The following PTPRC variants were observed in gnomAD, a reference collection of about 807,000 sequenced individuals.
PTPRC encodes protein tyrosine phosphatase receptor type C, also known as receptor-type tyrosine-protein phosphatase C.
In PTPRC, 44 loss-of-function variants were observed where a neutral mutation model predicts 155.9. The observed-to-expected ratio is 0.28, with a 90% CI of 0.22 to 0.36. The LOEUF (loss-of-function observed/expected upper bound fraction) is 0.36. Among genes scored for constraint, PTPRC ranks in the 10% least tolerant of loss-of-function variants. The probability of loss-of-function intolerance (pLI) is 1.00; values close to 1 mark genes in which losing one functional copy is unlikely to be tolerated. For synonymous variants in PTPRC, 525 were observed against 533.1 expected (o/e 0.98, Z 0.21); for missense variants, 1,401 against 1,564.6 (o/e 0.90, Z 1.76).
chr1:198,709,907 T>A, intron 11 of PTPRC, 83 bp downstream of exon 11: 1 of 1,543,904 alleles, frequency 6.5e-7, no homozygotes, highest in Non-Finnish European at 8.8e-7. Flanking sequence ...AGGAAATGAA[T>A]TGTCTTTTTG....
chr1:198,722,384 T>A (rs1291803167), intron 14 of PTPRC, 32 bp from the exon 15 acceptor site: 1 of 1,236,572 alleles, frequency 8.1e-7, no homozygotes, highest in Non-Finnish European at 1.1e-6. Context: ...ATTAGCAAAC[T>A]AATTATTTTA....
chr1:198,671,667 A>G (rs1452467471), intron 2 of PTPRC, among the ~76,000 whole-genome samples: 1 of 152,202 alleles, frequency 6.6e-6, no homozygotes, highest in Non-Finnish European at 1.5e-5. Context: ...TCCCACTGGT[A>G]TCTCAAATTC....
intron 14 of PTPRC, 88 bp from the exon 15 acceptor site, chr1:198,722,328 A>G (rs1173179494): frequency 1.6e-6 from 1 of 616,242 alleles, no homozygotes; most frequent in Non-Finnish European, 2.3e-6. Flanking sequence ...GATAATATAA[A>G]TGTTTTACAT....
intron 32 of PTPRC, 126 bp downstream of exon 32, chr1:198,754,530 C>T (rs1327878413): frequency 1.8e-6 from 2 of 1,122,754 alleles, no homozygotes; most frequent in African/African-American, 3.2e-5. Flanking sequence ...CTTTTCTCTT[C>T]TCTATTTTCT....
chr1:198,753,707 T>C (rs986364534), intron 31 of PTPRC, among the ~76,000 whole-genome samples: 1 of 152,072 alleles, frequency 6.6e-6, no homozygotes, highest in Admixed American at 6.6e-5. Flanking sequence ...TGAATCTTTA[T>C]GATAATGCTT....
chr1:198,692,322 A>C, intron 2 of PTPRC, 25 bp from the exon 3 acceptor site: 1 of 1,499,304 alleles, frequency 6.7e-7, no homozygotes. Flanking sequence ...AAATTTTCTA[A>C]GAGATTTTTG....
chr1:198,755,973 A>C lies in PTPRC; in HGVS notation c.3713A>C (p.Lys1238Thr), dbSNP rs1471609282. 6.2e-7 allele frequency: 1 copy of C among 1,613,238 alleles called. No individual in the cohort carries two copies. The highest frequency in any genetic ancestry group is 1.7e-5 in the Admixed American group (1 of 59,898). The change falls in exon 33 of 33, where the codon AAA becomes ACA. Residue 1238 changes from lysine to threonine, a missense_variant. Coordinates refer to ENST00000442510, the MANE Select transcript of PTPRC (RefSeq NM_002838.5). The stretch of plus-strand genomic sequence containing the variant: ...CCTGCTCAGAATGGACAAGTAAAGA[A>C]AAACAACCATCAAGAAGATAAAATT... Reference protein sequence around the residue: ...TYPAQNGQVKKNNHQEDKIEF... With the variant: ...TYPAQNGQVKTNNHQEDKIEF...
At position 198,742,245 on chromosome 1, in the gene PTPRC, C is replaced by A; in HGVS notation, c.2575C>A (p.Arg859Ser). 1 of 1,612,052 alleles carries A rather than the reference C, an allele frequency of 6.2e-7. No individual in the cohort carries two copies. The highest frequency in any genetic ancestry group is 8.5e-7 in the Non-Finnish European group (1 of 1,178,808). The change falls in exon 25 of 33, where the codon CGC becomes AGC. Residue 859 changes from arginine (R) to serine (S), a missense_variant. Around this residue, in one of 3 missense-constraint regions of PTPRC, gnomAD observed 134 missense variants for 204.7 expected, o/e 0.65. Coordinates refer to ENST00000442510, the MANE Select transcript of PTPRC (RefSeq NM_002838.5). ...TTGGTTTGCCAGTGCTGGTGTTGGGCGCACAGGAACCTATATCGGAATTGA... is the reference window on the plus strand; with the variant it reads ...TTGGTTTGCCAGTGCTGGTGTTGGGAGCACAGGAACCTATATCGGAATTGA... ...IVVHCSAGVG[R>S]TGTYIGIDAM... is the part of the protein sequence containing the mutation.
intron 2 of PTPRC, among the ~76,000 whole-genome samples, chr1:198,650,581 T>G (rs1225982145): frequency 6.6e-6 from 1 of 151,852 alleles, no homozygotes; most frequent in Non-Finnish European, 1.5e-5. Flanking sequence ...ATGTTTGGGC[T>G]GTTATTGATG....
chr1:198,695,024 CTA>C, intron 3 of PTPRC: 1 of 951,886 alleles, frequency 1.1e-6, no homozygotes, highest in Non-Finnish European at 1.3e-6. Flanking sequence ...CATAACAAGT[CTA>C]TGATCATTTT....
chr1:198,701,180 C>T (rs115681143), intron 5 of PTPRC, among the ~76,000 whole-genome samples: 119 of 152,188 alleles, frequency 7.8e-4, no homozygotes, highest in African/African-American at 2.7e-3. Context: ...AGTTAAATTT[C>T]GTGGTTTAGT....
intron 5 of PTPRC, among the ~76,000 whole-genome samples, chr1:198,701,980 C>G (rs868803504): frequency 3.9e-5 from 6 of 152,212 alleles, no homozygotes; most frequent in Non-Finnish European, 7.3e-5. Flanking sequence ...GCACTTCCTC[C>G]TGTGCCAACC....
chr1:198,685,143 G>A (rs1399712178), intron 2 of PTPRC, among the ~76,000 whole-genome samples: 1 of 151,916 alleles, frequency 6.6e-6, no homozygotes, highest in South Asian at 2.1e-4. Context: ...CTGATGATAA[G>A]CAGAAAGTCC....
intron 17 of PTPRC, 57 bp downstream of exon 17, chr1:198,729,228 A>G (rs1245954504): frequency 6.7e-7 from 1 of 1,491,222 alleles, no homozygotes; most frequent in Admixed American, 1.9e-5. Flanking sequence ...GAATCCATTC[A>G]TTTTATTTAT....
At chr1:198,656,935 G>GA (rs979803037) in intron 2 of PTPRC, among the ~76,000 whole-genome samples, 7 of 149,896 alleles carry the variant, frequency 4.7e-5, no homozygotes, top group African/African-American at 1.2e-4. Context: ...ATTAGTGTAG[G>GA]AAAAAAAATC....
intron 2 of PTPRC, among the ~76,000 whole-genome samples, chr1:198,655,647 C>G (rs933235787): frequency 6.6e-6 from 1 of 152,014 alleles, no homozygotes; most frequent in African/African-American, 2.4e-5. Context: ...GTGAGATTTA[C>G]AGCTTAGACT....
At chr1:198,693,382 G>A (rs1025519658) in intron 3 of PTPRC, among the ~76,000 whole-genome samples, 4 of 152,174 alleles carry the variant, frequency 2.6e-5, no homozygotes, top group African/African-American at 9.7e-5. Flanking sequence ...ATTGGTTTAT[G>A]CCAGCTACTC....
intron 13 of PTPRC, 75 bp downstream of exon 13, chr1:198,716,915 TC>T (rs967755686): frequency 1.5e-6 from 2 of 1,376,458 alleles, no homozygotes; most frequent in African/African-American, 2.9e-5. Flanking sequence ...CTACAATATT[TC>T]TATCTTTATT....
intron 3 of PTPRC, among the ~76,000 whole-genome samples, chr1:198,696,382 A>AT (rs1394184463): frequency 6.6e-6 from 1 of 151,820 alleles, no homozygotes; most frequent in Non-Finnish European, 1.5e-5. Context: ...ATTGCTTTGG[A>AT]TAGGCGAGAA....
Sources: allele counts gnomAD v4.1 joint callset (sites outside exome capture counted in the v4.1 genomes callset), GRCh38; gene constraint gnomAD v4.1.1; regional missense constraint gnomAD v4.1.1; transcripts MANE v1.5; gene names NCBI Gene and HGNC (gene_info 2026-07-23, HGNC 2026-07-21).